DPYSL2: variants seen among roughly 807,000 people sequenced by gnomAD.
DPYSL2 encodes dihydropyrimidinase-related protein 2.
DPYSL2 carries 13 observed loss-of-function variants against 69.9 expected under a neutral mutation model. The observed-to-expected ratio is 0.19, with a 90% CI of 0.12 to 0.30. The LOEUF (loss-of-function observed/expected upper bound fraction) is 0.30. Among genes scored for constraint, DPYSL2 ranks in the 10% least tolerant of loss-of-function variants. DPYSL2 has a pLI of 1.00. For missense variants in DPYSL2, 587 were observed against 918.9 expected, an observed-to-expected ratio of 0.64 and a Z score of 4.67; for synonymous variants, 326 against 359.1, an observed-to-expected ratio of 0.91 and a Z score of 1.04.
At chr8:26,544,969 C>T (rs1239054999) in intron 1 of DPYSL2, among the ~76,000 whole-genome samples, 33 of 152,066 alleles carry the variant, frequency 2.2e-4, no homozygotes, top group Admixed American at 2.2e-3. Context: ...AACAATATAA[C>T]AATCATATAC....
At chr8:26,561,789 G>T (rs1801075113) in intron 1 of DPYSL2, among the ~76,000 whole-genome samples, 1 of 152,130 alleles carries the variant, frequency 6.6e-6, no homozygotes, top group South Asian at 2.1e-4. Context: ...TCACAGTAGG[G>T]TTCGAGCTCC....
chr8:26,592,720 A>C (rs1207841749), intron 3 of DPYSL2, among the ~76,000 whole-genome samples: 3 of 136,734 alleles, frequency 2.2e-5, no homozygotes, highest in Non-Finnish European at 3.2e-5. Context: ...CAGGTGATCC[A>C]CCCGCCTCGG....
chr8:26,521,202 A>G (rs946294440), intron 1 of DPYSL2, among the ~76,000 whole-genome samples: 1 of 152,190 alleles, frequency 6.6e-6, no homozygotes, highest in Non-Finnish European at 1.5e-5. Flanking sequence ...GCACACAAAT[A>G]CTGTCTTACG....
chr8:26,594,285 T>C (rs867756273), intron 3 of DPYSL2, among the ~76,000 whole-genome samples: 3 of 152,128 alleles, frequency 2.0e-5, no homozygotes, highest in Admixed American at 6.5e-5. Flanking sequence ...TGTGAAAAGA[T>C]CTCCCTCTCT....
At chr8:26,536,243 A>G (rs1005594760) in intron 1 of DPYSL2, among the ~76,000 whole-genome samples, 1 of 151,386 alleles carries the variant, frequency 6.6e-6, no homozygotes, top group Admixed American at 6.6e-5. Context: ...CCCAACCTTA[A>G]TTTTTGTATT....
At chr8:26,636,205 A>G (rs1802912004) in intron 8 of DPYSL2, among the ~76,000 whole-genome samples, 1 of 152,206 alleles carries the variant, frequency 6.6e-6, no homozygotes, top group Admixed American at 6.5e-5. Flanking sequence ...CCTACTCAGA[A>G]TGAGCTTTGA....
intron 3 of DPYSL2, among the ~76,000 whole-genome samples, chr8:26,623,425 CG>C (rs919305810): frequency 6.6e-6 from 1 of 152,122 alleles, no homozygotes; most frequent in Admixed American, 6.5e-5. Flanking sequence ...GTAATATCCC[CG>C]TTTTAAAGCA....
At position 26,643,980 on chromosome 8, in the gene DPYSL2, T is replaced by A. The variant is rs772452285; in HGVS notation, c.1314T>A (p.His438Gln). 6.2e-7 allele frequency: 1 copy of A among 1,614,086 alleles called. No individual in the cohort carries two copies. The highest frequency in any genetic ancestry group is 8.5e-7 in the Non-Finnish European group (1 of 1,180,032). ...ACCTCCAGGTCACGGGCAGTGCCCATTGCACGTTTAACACTGCCCAGAAGG... is the reference window on the plus strand; with the variant it reads ...ACCTCCAGGTCACGGGCAGTGCCCAATGCACGTTTAACACTGCCCAGAAGG... ...CGDLQVTGSAHCTFNTAQKAV... is the reference protein window; with the variant it reads ...CGDLQVTGSAQCTFNTAQKAV... The change falls in exon 10 of 14, where the codon CAT becomes CAA. Residue 438 changes from histidine to glutamine, a missense_variant. By Grantham distance (24) the His-to-Gln change is conservative. Transcript: ENST00000521913. This position sits in a 1 kb window ranked among gnomAD's most constrained non-coding sequence, Gnocchi z 6.5.
At position 26,571,933 on chromosome 8, in the gene DPYSL2, C is replaced by G. The variant is rs1005104984; in HGVS notation, c.355-10036C>G. On this transcript the variant is annotated intron_variant, in intron 1 of 13. Coordinates refer to ENST00000521913, the MANE Select transcript of DPYSL2 (RefSeq NM_001197293.3). This position sits in a 1 kb window ranked among gnomAD's most constrained non-coding sequence, Gnocchi z 6.1. Reference sequence around the variant, plus strand: ...CTGATTCCATCTGCAGTGAAGAAGGCATCACTTCCAGCTCAAGTGTCCTAG... The same window carrying G: ...CTGATTCCATCTGCAGTGAAGAAGGGATCACTTCCAGCTCAAGTGTCCTAG... Among the ~76,000 whole-genome samples the G allele has an allele frequency of 1.3e-5, 2 of 152,206 alleles. No homozygotes were observed. The highest frequency in any genetic ancestry group is 4.8e-5 in the African/African-American group (2 of 41,448).
intron 3 of DPYSL2, among the ~76,000 whole-genome samples, chr8:26,590,429 G>A (rs931466216): frequency 2.0e-5 from 3 of 151,808 alleles, no homozygotes; most frequent in Non-Finnish European, 2.9e-5. Context: ...CGTGAATCTC[G>A]GCCTTGAACG....
At chr8:26,629,128 G>C (rs1802680607) in intron 7 of DPYSL2, among the ~76,000 whole-genome samples, 2 of 152,066 alleles carry the variant, frequency 1.3e-5, no homozygotes, top group South Asian at 2.1e-4. Flanking sequence ...ACACAGTCAG[G>C]GTCCACGCTT....
intron 3 of DPYSL2, among the ~76,000 whole-genome samples, chr8:26,595,960 G>GT (rs146776217): frequency 0.022 from 3,320 of 149,558 alleles, 143 homozygotes; most frequent in East Asian, 0.1. Context: ...CTGGGAGTTT[G>GT]TTTTTTTTTT....
chr8:26,612,604 C>T (rs928518556), intron 3 of DPYSL2, among the ~76,000 whole-genome samples: 6 of 152,234 alleles, frequency 3.9e-5, no homozygotes, highest in Admixed American at 1.3e-4. Flanking sequence ...GTAATCCCAG[C>T]ACTTTGGGAG....
At position 26,658,117 on chromosome 8, in the gene DPYSL2, T is replaced by C. The variant is rs1803435273; in HGVS notation, c.*2411T>C. On this transcript the variant is annotated 3_prime_UTR_variant, in exon 14 of 14. Transcript: ENST00000521913. The surrounding 1 kb of genome is among the most constrained non-coding windows in gnomAD (Gnocchi z 4.7). Reference sequence around the variant, plus strand: ...AACAAGTCTCGTGTTTATTATTCCTTAAGAACTCTGTGTTATATTACCATG... The same window carrying C: ...AACAAGTCTCGTGTTTATTATTCCTCAAGAACTCTGTGTTATATTACCATG... 1 of 152,580 alleles carries C rather than the reference T, an allele frequency of 6.6e-6. No individual in the cohort carries two copies. The highest frequency in any genetic ancestry group is 1.5e-5 in the Non-Finnish European group (1 of 68,040). The allele number at this position is 152,580 out of a possible 1,614,324, so 9.5% of individuals were successfully genotyped here.
In DPYSL2 at chr8:26,533,860, C is replaced by T; in HGVS notation, c.354+19181C>T. Among the ~76,000 whole-genome samples, 1 of 152,166 alleles carries T rather than the reference C, an allele frequency of 6.6e-6. No homozygotes were observed. The highest frequency in any genetic ancestry group is 1.9e-4 in the East Asian group (1 of 5,190). On this transcript the variant is annotated intron_variant, in intron 1 of 13. Transcript: ENST00000521913. The surrounding 1 kb of genome is among the most constrained non-coding windows in gnomAD (Gnocchi z 4.8). Reference sequence around the variant, plus strand: ...CGGTGGCAGGGACTGATGGGGGAACCCAGTGACAGCCTAGTGACAAGAGGG... The same window carrying T: ...CGGTGGCAGGGACTGATGGGGGAACTCAGTGACAGCCTAGTGACAAGAGGG...
chr8:26,594,181 G>A (rs1801807278), intron 3 of DPYSL2, among the ~76,000 whole-genome samples: 1 of 152,144 alleles, frequency 6.6e-6, no homozygotes, highest in Non-Finnish European at 1.5e-5. Context: ...GTAAAGTGGA[G>A]ACAATCAATT....
chr8:26,583,958 C>T lies in DPYSL2; in HGVS notation c.603C>T (p.Ala201=), dbSNP rs1351225793. 1 of 1,614,048 alleles carries T rather than the reference C, an allele frequency of 6.2e-7. No homozygotes were observed. The highest frequency in any genetic ancestry group is 1.7e-5 in the Admixed American group (1 of 60,018). The change falls in exon 3 of 14, where the codon GCC becomes GCT. Residue 201 remains alanine, a synonymous_variant. Transcript: ENST00000521913. ...ADDFFQGTKA[A]LAGGTTMIID... is the part of the protein sequence containing the mutation. ...ATTTCTTCCAAGGAACCAAGGCGGCCCTGGCTGGGGGAACCACTATGATCA... is the reference window on the plus strand; with the variant it reads ...ATTTCTTCCAAGGAACCAAGGCGGCTCTGGCTGGGGGAACCACTATGATCA...
chr8:26,595,907 C>T (rs1283152166), intron 3 of DPYSL2, among the ~76,000 whole-genome samples: 1 of 152,022 alleles, frequency 6.6e-6, no homozygotes, highest in East Asian at 1.9e-4. Context: ...AGGCGAGCAG[C>T]TTCTTTGTGT....
intron 1 of DPYSL2, among the ~76,000 whole-genome samples, chr8:26,546,689 A>T (rs1800773928): frequency 6.7e-6 from 1 of 148,910 alleles, no homozygotes; most frequent in Admixed American, 6.7e-5. Flanking sequence ...GGAGGCCGAG[A>T]CGGGTGGATC....
Sources: gnomAD v4.1 joint callset for allele counts (sites outside exome capture counted in the v4.1 genomes callset) on GRCh38, gnomAD v4.1.1 for gene constraint, Gnocchi (gnomAD v3.1) non-coding constraint, MANE v1.5 for transcripts, NCBI Gene and HGNC (gene_info 2026-07-23, HGNC 2026-07-21) for gene names.